The following KIAA0825 variants were observed in gnomAD, a reference collection of about 807,000 sequenced individuals.
The protein encoded by KIAA0825 is uncharacterized protein KIAA0825.
Under a neutral mutation model 147.6 loss-of-function variants are expected in KIAA0825, and 119 were observed. The observed-to-expected ratio is 0.81, with a 90% CI of 0.69 to 0.94. The LOEUF (loss-of-function observed/expected upper bound fraction) is 0.94, where lower values mean the gene tolerates loss of function less well. Among genes scored for constraint, KIAA0825 ranks in the 40% least tolerant of loss-of-function variants. KIAA0825 has a pLI of 0.00. For synonymous variants in KIAA0825, 470 were observed against 518.1 expected (o/e 0.91, Z 1.26); for missense variants, 1,381 against 1,472.7 (o/e 0.94, Z 1.02).
At chr5:94,265,128 C>T (rs1776684929) in intron 20 of KIAA0825, among the ~76,000 whole-genome samples, 1 of 152,136 alleles carries the variant, frequency 6.6e-6, no homozygotes, top group East Asian at 1.9e-4. Context: ...ATGAAATTGC[C>T]AATATTCAAG....
chr5:94,592,860 T>C, intron 1 of KIAA0825: 2 of 583,178 alleles, frequency 3.4e-6, no homozygotes, highest in South Asian at 1.6e-5. Flanking sequence ...TGTTTCAATT[T>C]CGACTCATCA....
intron 2 of KIAA0825, among the ~76,000 whole-genome samples, chr5:94,573,421 C>T (rs1023213748): frequency 6.6e-6 from 1 of 152,066 alleles, no homozygotes; most frequent in African/African-American, 2.4e-5. Flanking sequence ...CAGGCATGTG[C>T]CACCATGCCC....
chr5:94,599,131 T>C (rs567894579), intron 1 of KIAA0825, among the ~76,000 whole-genome samples: 10 of 152,072 alleles, frequency 6.6e-5, no homozygotes, highest in Non-Finnish European at 1.3e-4. Flanking sequence ...GCATCTTTGA[T>C]AGCATTTGGT....
rs546994840 is a variant in KIAA0825, at chr5:94,217,582, C to T, written c.3711-63458G>A. ...TAGGTAGCCCTATATTTTGAAATGA[C>T]AGTCTTGATTTAAATTTTGCTTTCT... is the stretch of plus-strand genomic sequence containing the variant. On this transcript the variant is annotated intron_variant, in intron 20 of 20. Coordinates refer to ENST00000682413, the MANE Select transcript of KIAA0825 (RefSeq NM_001145678.3). Among the ~76,000 whole-genome samples, 289 of 152,266 alleles carry T rather than the reference C, an allele frequency of 1.9e-3. 2 individuals carry two copies. The highest frequency in any genetic ancestry group is 6.8e-3 in the African/African-American group (281 of 41,548).
intron 2 of KIAA0825, among the ~76,000 whole-genome samples, chr5:94,577,858 T>C (rs1459445445): frequency 1.3e-5 from 2 of 152,224 alleles, no homozygotes; most frequent in African/African-American, 4.8e-5. Flanking sequence ...ACTCACATAC[T>C]CATTATTTTT....
At chr5:94,522,232 C>A (rs151296622) in intron 4 of KIAA0825, among the ~76,000 whole-genome samples, 214 of 151,786 alleles carry the variant, frequency 1.4e-3, no homozygotes, top group African/African-American at 5.0e-3. Flanking sequence ...TCTTTCTCTT[C>A]ATCCACATTC....
intron 14 of KIAA0825, among the ~76,000 whole-genome samples, chr5:94,428,284 C>G (rs561617540): frequency 4.6e-5 from 7 of 151,586 alleles, no homozygotes; most frequent in African/African-American, 1.7e-4. Flanking sequence ...AGGTTTTGAT[C>G]CTATCATGAA....
intron 6 of KIAA0825, among the ~76,000 whole-genome samples, chr5:94,478,833 C>T (rs1247214247): frequency 6.6e-6 from 1 of 151,936 alleles, no homozygotes; most frequent in Non-Finnish European, 1.5e-5. Context: ...AATGCAGAAA[C>T]CATAAAGTAA....
chr5:94,309,453 A>C (rs979958578), intron 20 of KIAA0825, among the ~76,000 whole-genome samples: 1 of 151,636 alleles, frequency 6.6e-6, no homozygotes, highest in Non-Finnish European at 1.5e-5. Flanking sequence ...CTCACTGATG[A>C]AAAAGCCAAG....
At chr5:94,235,057 A>G (rs567345683) in intron 20 of KIAA0825, among the ~76,000 whole-genome samples, 1 of 152,178 alleles carries the variant, frequency 6.6e-6, no homozygotes. Context: ...TAGGCCCATT[A>G]ATAACCTTAC....
chr5:94,569,519 A>T (rs1319051575), intron 2 of KIAA0825: 1 of 410,798 alleles, frequency 2.4e-6, no homozygotes, highest in Non-Finnish European at 4.5e-6. Context: ...CCATCGTTGT[A>T]TTTCAACTAC....
At chr5:94,384,294 CGT>C (rs1484314519) in intron 20 of KIAA0825, 72 bp downstream of exon 20, 8 of 1,016,628 alleles carry the variant, frequency 7.9e-6, no homozygotes, top group Non-Finnish European at 1.0e-5. Flanking sequence ...AATCTGTGTA[CGT>C]GTATACACAC....
chr5:94,479,376 C>A (rs952859427), intron 6 of KIAA0825, among the ~76,000 whole-genome samples: 1 of 152,078 alleles, frequency 6.6e-6, no homozygotes, highest in African/African-American at 2.4e-5. Flanking sequence ...TGGCTTCTTT[C>A]GCTTAGTGAT....
intron 1 of KIAA0825, chr5:94,593,274 T>C: frequency 1.3e-6 from 1 of 769,056 alleles, no homozygotes; most frequent in East Asian, 2.5e-5. Flanking sequence ...ATTTGTATTT[T>C]AGTCCATTAA....
chr5:94,496,186 C>T (rs1228861784), intron 5 of KIAA0825, among the ~76,000 whole-genome samples: 1 of 152,144 alleles, frequency 6.6e-6, no homozygotes, highest in Admixed American at 6.5e-5. Flanking sequence ...GCAAGCTAAA[C>T]ATGGCTTTTC....
At chr5:94,380,060 A>G (rs1748174796) in intron 20 of KIAA0825, among the ~76,000 whole-genome samples, 2 of 151,762 alleles carry the variant, frequency 1.3e-5, no homozygotes, top group South Asian at 4.1e-4. Context: ...TCACCATGTT[A>G]GCCAGGATGG....
chr5:94,160,622 TA>T (rs919322480), intron 20 of KIAA0825, among the ~76,000 whole-genome samples: 1 of 148,400 alleles, frequency 6.7e-6, no homozygotes, highest in African/African-American at 2.5e-5. Context: ...ATATACATAT[TA>T]AATATATACT....
intron 20 of KIAA0825, among the ~76,000 whole-genome samples, chr5:94,311,049 T>G (rs1779124330): frequency 6.6e-6 from 1 of 151,682 alleles, no homozygotes; most frequent in African/African-American, 2.4e-5. Flanking sequence ...AGAAAAATTG[T>G]AAATAGCAAG....
chr5:94,586,215 C>T (rs1783255469), intron 1 of KIAA0825, among the ~76,000 whole-genome samples: 1 of 151,998 alleles, frequency 6.6e-6, no homozygotes, highest in Non-Finnish European at 1.5e-5. Context: ...GAGATAGAGA[C>T]ATAAAAAACC....
Sources: gnomAD v4.1 joint callset for allele counts (sites outside exome capture counted in the v4.1 genomes callset) on GRCh38, gnomAD v4.1.1 for gene constraint, MANE v1.5 for transcripts, NCBI Gene and HGNC (gene_info 2026-07-23, HGNC 2026-07-21) for gene names.